Variants in SLC14A2 observed in about 807,000 individuals in gnomAD.
SLC14A2 encodes the protein urea transporter 2.
In SLC14A2, 91 loss-of-function variants were observed where a neutral mutation model predicts 104.6. The observed-to-expected ratio is 0.87, with a 90% CI of 0.73 to 1.04. The LOEUF is 1.04. Among genes scored for constraint, SLC14A2 ranks in the 50% least tolerant of loss-of-function variants. The pLI, the probability that SLC14A2 is intolerant of heterozygous loss-of-function variation, is 0.00. For missense variants in SLC14A2, 1,189 were observed against 1,156.0 expected, an observed-to-expected ratio of 1.03 and a Z score of -0.41; for synonymous variants, 476 against 466.4, an observed-to-expected ratio of 1.02 and a Z score of -0.27.
intron 1 of SLC14A2, among the ~76,000 whole-genome samples, chr18:45,358,863 A>G (rs1023067046): frequency 1.3e-5 from 2 of 152,024 alleles, no homozygotes; most frequent in African/African-American, 4.8e-5. Flanking sequence ...CAGGCATGAG[A>G]CACCATGCCC....
intron 1 of SLC14A2, chr18:45,424,220 G>C (rs1445850776): frequency 6.6e-6 from 1 of 152,218 alleles, no homozygotes; most frequent in African/African-American, 2.4e-5. Context: ...ACACTAAAAA[G>C]AACTATGAAC....
At chr18:45,420,504 G>T (rs1387406370) in intron 1 of SLC14A2, among the ~76,000 whole-genome samples, 2 of 152,140 alleles carry the variant, frequency 1.3e-5, no homozygotes, top group African/African-American at 4.8e-5. Flanking sequence ...CAGCTCACAT[G>T]TGGATGTGTC....
chr18:45,384,160 G>A (rs1346115646), intron 1 of SLC14A2, among the ~76,000 whole-genome samples: 2 of 152,138 alleles, frequency 1.3e-5, no homozygotes, highest in African/African-American at 2.4e-5. Flanking sequence ...AGGACTAGAA[G>A]TCTTTGTGCT....
intron 1 of SLC14A2, among the ~76,000 whole-genome samples, chr18:45,290,277 C>T (rs1015360611): frequency 2.6e-5 from 4 of 152,198 alleles, no homozygotes; most frequent in Non-Finnish European, 5.9e-5. Context: ...CCTGCTCCCA[C>T]TAGTAGTCCC....
At chr18:45,519,059 T>A (rs1351016493) in intron 2 of SLC14A2, among the ~76,000 whole-genome samples, 1 of 152,184 alleles carries the variant, frequency 6.6e-6, no homozygotes. Flanking sequence ...AAAATAGCAG[T>A]GTGCTAGAGT....
chr18:45,636,190 G>A lies in SLC14A2; in HGVS notation c.651-800G>A, dbSNP rs150856427. On this transcript the variant is annotated intron_variant, in intron 5 of 19. Transcript: ENST00000255226. Reference sequence around the variant, plus strand: ...CTTAAACGCCTTTTTGAAATTCATGGTCATTCATTAAAAGCAGACAATTTA... The same window carrying A: ...CTTAAACGCCTTTTTGAAATTCATGATCATTCATTAAAAGCAGACAATTTA... Among the ~76,000 whole-genome samples, 157 of 152,334 alleles carry A rather than the reference G, an allele frequency of 1.0e-3. 1 individual carries two copies. Among genetic ancestry groups the A allele is most frequent in the African/African-American group, 3.6e-3 (150 of 41,578 alleles).
intron 1 of SLC14A2, among the ~76,000 whole-genome samples, chr18:45,361,417 A>G (rs750011783): frequency 3.4e-4 from 51 of 152,166 alleles, no homozygotes; most frequent in Non-Finnish European, 6.5e-4. Flanking sequence ...TTTTGGTCCT[A>G]CCCAGCTCCC....
intron 1 of SLC14A2, among the ~76,000 whole-genome samples, chr18:45,268,057 C>T (rs994567845): frequency 6.6e-6 from 1 of 152,074 alleles, no homozygotes; most frequent in African/African-American, 2.4e-5. Context: ...AAATGTTGTG[C>T]ATTCATCTCC....
the SLC14A2 span, among the ~76,000 whole-genome samples, chr18:45,204,304 T>C: frequency 6.6e-6 from 1 of 152,296 alleles, no homozygotes; most frequent in African/African-American, 2.4e-5. Context: ...CTCAAACATC[T>C]ACTCCAGCCA....
At chr18:45,533,566 G>A (rs909686968) in intron 2 of SLC14A2, among the ~76,000 whole-genome samples, 1 of 152,076 alleles carries the variant, frequency 6.6e-6, no homozygotes, top group African/African-American at 2.4e-5. Flanking sequence ...ATTTTTTATT[G>A]CGTCTATTTG....
intron 2 of SLC14A2, among the ~76,000 whole-genome samples, chr18:45,494,915 T>TGC (rs71994290): frequency 1.3e-5 from 2 of 148,638 alleles, no homozygotes; most frequent in Non-Finnish European, 3.0e-5. Context: ...CACACACACA[T>TGC]ACACACACAC....
In SLC14A2 at chr18:45,682,356, C is replaced by T; in HGVS notation, c.2600C>T (p.Ser867Leu). ...LPPCTWPFCL[S>L]ALTFLLLTTN... is the part of the protein sequence containing the mutation. Reference sequence around the variant, plus strand: ...CCCTGCACTTGGCCCTTCTGTCTCTCAGCTCTCACCTTCCTGCTCCTGACG... The same window carrying T: ...CCCTGCACTTGGCCCTTCTGTCTCTTAGCTCTCACCTTCCTGCTCCTGACG... The change falls in exon 20 of 20, where the codon TCA becomes TTA. Residue 867 changes from serine (S) to leucine (L), a missense_variant. Physicochemically the swap from Ser to Leu is moderately radical, Grantham distance 145. Coordinates refer to ENST00000255226, the MANE Select transcript of SLC14A2 (RefSeq NM_007163.4). The T allele has an allele frequency of 6.2e-7, 1 of 1,614,188 alleles. No individual in the cohort carries two copies.
chr18:45,593,968 G>T (rs983859865), intron 2 of SLC14A2, among the ~76,000 whole-genome samples: 1 of 152,194 alleles, frequency 6.6e-6, no homozygotes, highest in African/African-American at 2.4e-5. Flanking sequence ...AAAAATTTCT[G>T]TAACTATAAC....
At chr18:45,548,072 G>A (rs72902386) in intron 2 of SLC14A2, among the ~76,000 whole-genome samples, 13,720 of 152,190 alleles carry the variant, frequency 0.09, 761 homozygotes, top group Non-Finnish European at 0.12. Flanking sequence ...TTCTGATGTC[G>A]GGAAACTCAG....
At chr18:45,493,902 C>T (rs1437292244) in intron 2 of SLC14A2, among the ~76,000 whole-genome samples, 2 of 152,146 alleles carry the variant, frequency 1.3e-5, no homozygotes, top group African/African-American at 2.4e-5. Flanking sequence ...TGACTTGGCT[C>T]ACAAAGGCCA....
chr18:45,667,187 A>T, intron 13 of SLC14A2, 93 bp downstream of exon 13: 3 of 984,628 alleles, frequency 3.0e-6, no homozygotes, highest in Non-Finnish European at 4.5e-6. Context: ...TTCCCTATAG[A>T]CTAGACTTAG....
At chr18:45,426,684 CATAT>C (rs2086435667) in intron 1 of SLC14A2, among the ~76,000 whole-genome samples, 1 of 126,996 alleles carries the variant, frequency 7.9e-6, no homozygotes, top group African/African-American at 2.9e-5. Flanking sequence ...CACACATATA[CATAT>C]ATACATACAT....
At chr18:45,679,429 G>A (rs1202070451) in intron 19 of SLC14A2, among the ~76,000 whole-genome samples, 6 of 152,184 alleles carry the variant, frequency 3.9e-5, no homozygotes, top group Non-Finnish European at 7.3e-5. Flanking sequence ...TAGAATAAGG[G>A]GAGTCAAACC....
intron 2 of SLC14A2, among the ~76,000 whole-genome samples, chr18:45,569,929 A>AGCCCTGCAATGGCTTTTAAAACT (rs2044322371): frequency 1.3e-5 from 2 of 152,198 alleles, no homozygotes; most frequent in Non-Finnish European, 2.9e-5. Context: ...TTTGACTAAA[A>AGCCCTGCAATGGCTTTTAAAACT]GCCCTGCAAT....
Sources: gnomAD v4.1 joint callset for allele counts (sites outside exome capture counted in the v4.1 genomes callset) on GRCh38, gnomAD v4.1.1 for gene constraint, MANE v1.5 for transcripts, NCBI Gene and HGNC (gene_info 2026-07-23, HGNC 2026-07-21) for gene names.